The following MPPED2 variants were observed in gnomAD, a reference collection of about 807,000 sequenced individuals.
MPPED2 encodes the protein metallophosphoesterase MPPED2.
Under a neutral mutation model 33.0 loss-of-function variants are expected in MPPED2, and 5 were observed. The observed-to-expected ratio is 0.15, with a 90% CI of 0.08 to 0.32. The LOEUF is 0.32. Ranked by LOEUF, MPPED2 falls within the 10% of genes least tolerant of loss-of-function variation. The probability of loss-of-function intolerance (pLI) is 1.00; values close to 1 mark genes in which losing one functional copy is unlikely to be tolerated. For synonymous variants in MPPED2, 136 were observed against 141.9 expected, an observed-to-expected ratio of 0.96 and a Z score of 0.29; for missense variants, 275 against 372.1, an observed-to-expected ratio of 0.74 and a Z score of 2.15.
intron 3 of MPPED2, among the ~76,000 whole-genome samples, chr11:30,524,455 T>C (rs1954054639): frequency 6.6e-6 from 1 of 152,012 alleles, no homozygotes; most frequent in African/African-American, 2.4e-5. Flanking sequence ...TAAAATGCAT[T>C]CCACAAAAAT....
intron 3 of MPPED2, among the ~76,000 whole-genome samples, chr11:30,529,429 A>C (rs1290162510): frequency 1.3e-5 from 2 of 152,298 alleles, no homozygotes; most frequent in South Asian, 2.1e-4. Context: ...AACCACATTC[A>C]GTGATGTGAA....
chr11:30,410,438 G>A lies in MPPED2; in HGVS notation c.*1030C>T. ...TGCATCGACACACAGTGCAAAATGG[G>A]AGAGGGGAGAGGAAGTAAGAAGACA... On this transcript the variant is annotated 3_prime_UTR_variant, in exon 7 of 7. Coordinates refer to ENST00000358117, the MANE Select transcript of MPPED2 (RefSeq NM_001584.3). The A allele has an allele frequency of 2.1e-6, 2 of 971,070 alleles. No individual in the cohort carries two copies. Among genetic ancestry groups the A allele is most frequent in the Non-Finnish European group, 2.4e-6 (2 of 820,456 alleles). The allele number at this position is 971,070 out of a possible 1,614,324, so 60.2% of individuals were successfully genotyped here.
intron 4 of MPPED2, among the ~76,000 whole-genome samples, chr11:30,464,060 T>C (rs1671855392): frequency 6.6e-6 from 1 of 152,164 alleles, no homozygotes; most frequent in South Asian, 2.1e-4. Flanking sequence ...ATTTGATTAG[T>C]TATATCGACA....
At chr11:30,585,010 A>G in intron 1 of MPPED2, 1 of 152,134 alleles carries the variant, frequency 6.6e-6, no homozygotes, top group Non-Finnish European at 1.5e-5. Flanking sequence ...GGGGGTGGTG[A>G]TGTACTATTA....
chr11:30,528,651 G>T (rs1337342455), intron 3 of MPPED2, among the ~76,000 whole-genome samples: 2 of 152,052 alleles, frequency 1.3e-5, no homozygotes, highest in African/African-American at 4.8e-5. Flanking sequence ...TTGAGACAGG[G>T]TCTCACTATG....
At chr11:30,471,952 C>CA (rs113198337) in intron 4 of MPPED2, among the ~76,000 whole-genome samples, 4,985 of 145,536 alleles carry the variant, frequency 0.034, 101 homozygotes, top group Admixed American at 0.07. Flanking sequence ...AACCAAATGA[C>CA]AAAAAAAAAA....
At chr11:30,440,050 C>T (rs1241777239) in intron 4 of MPPED2, among the ~76,000 whole-genome samples, 2 of 152,162 alleles carry the variant, frequency 1.3e-5, no homozygotes, top group Non-Finnish European at 2.9e-5. Flanking sequence ...TTTACTGGGG[C>T]TGGGTATGGT....
chr11:30,526,164 T>C (rs1471918811), intron 3 of MPPED2, among the ~76,000 whole-genome samples: 2 of 152,174 alleles, frequency 1.3e-5, no homozygotes, highest in African/African-American at 4.8e-5. Flanking sequence ...ATAATAAGCA[T>C]GAATCAACTG....
intron 6 of MPPED2, among the ~76,000 whole-genome samples, chr11:30,399,240 C>T (rs1257675477): frequency 2.0e-5 from 3 of 151,952 alleles, no homozygotes; most frequent in Admixed American, 6.6e-5. Flanking sequence ...TATGAGTCAA[C>T]CATTTTCTCA....
chr11:30,488,370 G>A (rs1453666066), intron 4 of MPPED2, among the ~76,000 whole-genome samples: 17 of 152,162 alleles, frequency 1.1e-4, no homozygotes. Context: ...TATGCCAACG[G>A]TTGCTATGAA....
chr11:30,503,328 AT>A (rs1055219601), intron 3 of MPPED2, among the ~76,000 whole-genome samples: 2 of 152,128 alleles, frequency 1.3e-5, no homozygotes, highest in African/African-American at 4.8e-5. Flanking sequence ...TCCTTTATAA[AT>A]TACCCAGTCT....
intron 4 of MPPED2, among the ~76,000 whole-genome samples, chr11:30,446,102 C>CCCAAG (rs1949796467): frequency 6.6e-6 from 1 of 152,236 alleles, no homozygotes; most frequent in African/African-American, 2.4e-5. Context: ...TTGCAGATAG[C>CCCAAG]TGCAAACTCA....
At chr11:30,575,163 AT>A (rs968596947) in intron 2 of MPPED2, among the ~76,000 whole-genome samples, 19 of 150,538 alleles carry the variant, frequency 1.3e-4, no homozygotes, top group South Asian at 6.3e-4. Context: ...AAAGCTACAG[AT>A]TTTTTTTTTA....
intron 4 of MPPED2, among the ~76,000 whole-genome samples, chr11:30,476,480 T>C (rs1309898053): frequency 1.3e-5 from 2 of 152,054 alleles, no homozygotes; most frequent in Non-Finnish European, 2.9e-5. Context: ...GATATTTATC[T>C]GTCCAGGTAC....
intron 3 of MPPED2, among the ~76,000 whole-genome samples, chr11:30,498,068 G>GT (rs57258633): frequency 0.21 from 31,258 of 147,604 alleles, 3,472 homozygotes; most frequent in East Asian, 0.42. Context: ...CATTTTCGTT[G>GT]TTTTTTTTTT....
Position 30,478,444 on chromosome 11 carries a change from A to G in MPPED2, c.536+16852T>C, listed in dbSNP as rs368127734. Among the ~76,000 whole-genome samples, 7 of 152,262 alleles carry G rather than the reference A, an allele frequency of 4.6e-5. No homozygotes were observed. The South Asian group carries it at 8.3e-4, about 18-fold the overall frequency. On this transcript the variant is annotated intron_variant, in intron 4 of 6. Transcript: ENST00000358117. ...ATAAGAAACGAGAAAGCACATAGAT[A>G]AACACAAATTATTGTCAATGTTCTA...
intron 4 of MPPED2, among the ~76,000 whole-genome samples, chr11:30,493,680 G>A (rs1475148077): frequency 2.0e-5 from 3 of 151,598 alleles, no homozygotes; most frequent in Middle Eastern, 3.2e-3. Flanking sequence ...AAAAAAACTG[G>A]CTCTAGGGCC....
chr11:30,563,353 G>A (rs1012553820), intron 2 of MPPED2, among the ~76,000 whole-genome samples: 8 of 152,220 alleles, frequency 5.3e-5, no homozygotes, highest in African/African-American at 7.2e-5. Context: ...TAGATCCCTC[G>A]TATGCACAGT....
intron 5 of MPPED2, 104 bp downstream of exon 5, chr11:30,417,411 CTTT>C (rs11354702): frequency 0.013 from 5,583 of 428,110 alleles, 10 homozygotes; most frequent in South Asian, 0.018. Context: ...CTCGTATTCA[CTTT>C]TTTTTTTTTT....
Sources: gnomAD v4.1 joint callset for allele counts (sites outside exome capture counted in the v4.1 genomes callset) on GRCh38, gnomAD v4.1.1 for gene constraint, MANE v1.5 for transcripts, NCBI Gene and HGNC (gene_info 2026-07-23, HGNC 2026-07-21) for gene names.